Variants in RAI2 observed in about 807,000 individuals in gnomAD.
RAI2 encodes retinoic acid induced 2, also known as retinoic acid-induced protein 2.
Under a neutral mutation model 15.3 loss-of-function variants are expected in RAI2, and 5 were observed. That is an observed-to-expected ratio of 0.33 (90% CI 0.17 to 0.69). RAI2 has a LOEUF of 0.69. Among genes scored for constraint, RAI2 ranks in the 30% least tolerant of loss-of-function variants. The probability of loss-of-function intolerance (pLI) is 0.69; values close to 1 mark genes in which losing one functional copy is unlikely to be tolerated. For missense variants in RAI2, 424 were observed against 424.7 expected (o/e 1.00, Z 0.01); for synonymous variants, 191 against 184.0 (o/e 1.04, Z -0.31).
chrX:17,810,261 A>G (rs2067032720), intron 1 of RAI2, among the ~76,000 whole-genome samples: 1 of 112,128 alleles, frequency 8.9e-6, no homozygotes, highest in African/African-American at 3.2e-5. Flanking sequence ...CACACGAGCT[A>G]TAGAGTCAGC....
chrX:17,839,837 G>A (rs987400828), intron 1 of RAI2, among the ~76,000 whole-genome samples: 5 of 112,604 alleles, frequency 4.4e-5, no homozygotes, highest in African/African-American at 1.6e-4. Context: ...GGAGGACACA[G>A]GTTGGTCTGT....
rs780653173 is a variant in RAI2, at chrX:17,846,972, T to C, written c.-25+14126A>G. The stretch of plus-strand genomic sequence containing the variant: ...AGTCTCAAGAGATTTGATGGTTTTA[T>C]AGATGGGAGTTCCCCTGCACAAGCT... On this transcript the variant is annotated intron_variant, in intron 1 of 1. Coordinates refer to ENST00000451717, the MANE Select transcript of RAI2 (RefSeq NM_021785.6). Among the ~76,000 whole-genome samples the C allele has an allele frequency of 1.3e-3, 143 of 111,958 alleles. 2 individuals carry two copies. The highest frequency in any genetic ancestry group is 1.0e-3 in the Admixed American group (11 of 10,625).
At chrX:17,844,368 C>G (rs766277106) in intron 1 of RAI2, among the ~76,000 whole-genome samples, 1 of 112,680 alleles carries the variant, frequency 8.9e-6, no homozygotes, top group East Asian at 2.8e-4. Flanking sequence ...TTGTCCTATT[C>G]TTGGTGCTCC....
intron 1 of RAI2, chrX:17,860,440 C>G (rs1217291015): frequency 8.9e-6 from 1 of 112,805 alleles, no homozygotes; most frequent in Non-Finnish European, 1.9e-5. Context: ...AAAGCCCGAG[C>G]TGGTGCGGCC....
intron 1 of RAI2, among the ~76,000 whole-genome samples, chrX:17,841,722 G>A (rs2067400107): frequency 8.9e-6 from 1 of 112,476 alleles, no homozygotes; most frequent in African/African-American, 3.2e-5. Context: ...ACTGTGTCGT[G>A]GGGGAGTCAG....
At chrX:17,812,018 G>A (rs1053478974) in intron 1 of RAI2, among the ~76,000 whole-genome samples, 1 of 112,057 alleles carries the variant, frequency 8.9e-6, no homozygotes, top group African/African-American at 3.2e-5. Flanking sequence ...CACAGAAAGT[G>A]CTCAGTAAAT....
Position 17,801,228 on chromosome X carries a change from G to C in RAI2, c.783C>G (p.Ser261Arg), listed in dbSNP as rs1413161194. The stretch of plus-strand genomic sequence containing the variant: ...AAGATGGTGGCTTGGGGAAACTGGA[G>C]CTGAACTTGGATTCAGAACTCTGAG... ...PMPQSSESKF[S>R]SSFPKPPSSF... The change falls in exon 2 of 2, where the codon AGC (serine) becomes AGG (arginine). Residue 261 changes from serine to arginine, a missense_variant. Ser to Arg is a moderately radical substitution (Grantham distance 110). Coordinates refer to ENST00000451717, the MANE Select transcript of RAI2 (RefSeq NM_021785.6). 1.7e-6 allele frequency: 2 copies of C among 1,210,242 alleles called. No individual in the cohort carries two copies. Among genetic ancestry groups the C allele is most frequent in the Admixed American group, 2.2e-5 (1 of 45,948 alleles).
At chrX:17,831,382 C>CA (rs2067280921) in intron 1 of RAI2, among the ~76,000 whole-genome samples, 1 of 111,496 alleles carries the variant, frequency 9.0e-6, no homozygotes, top group Admixed American at 9.5e-5. Context: ...AAACAAAAAA[C>CA]AAAAAACAAT....
chrX:17,827,036 G>T (rs746194070), intron 1 of RAI2, among the ~76,000 whole-genome samples: 3 of 112,839 alleles, frequency 2.7e-5, no homozygotes, highest in East Asian at 5.6e-4. Context: ...TTGAGTCATT[G>T]TCACATGGAA....
At chrX:17,825,156 G>A (rs1035659441) in intron 1 of RAI2, among the ~76,000 whole-genome samples, 2 of 111,684 alleles carry the variant, frequency 1.8e-5, no homozygotes, top group African/African-American at 6.6e-5. Flanking sequence ...TCAAAGCAGT[G>A]GGGGGAAAAA....
In RAI2 at chrX:17,844,548, C is replaced by T. The variant is rs372454216; in HGVS notation, c.-25+16550G>A. ...GCCCCAAACCCTATACCAGCAAGAA[C>T]CCAGCTTGGAAACTTCCTGTTTAAC... is the stretch of plus-strand genomic sequence containing the variant. On this transcript the variant is annotated intron_variant, in intron 1 of 1. Transcript: ENST00000451717. Among the ~76,000 whole-genome samples the T allele has an allele frequency of 7.2e-4, 81 of 112,907 alleles. 3 individuals are homozygous for T. The South Asian group carries it at 0.029, about 40-fold the overall frequency.
intron 1 of RAI2, among the ~76,000 whole-genome samples, chrX:17,855,232 C>T (rs766184020): frequency 3.2e-4 from 36 of 111,804 alleles, no homozygotes; most frequent in Non-Finnish European, 5.8e-4. Context: ...TTTATTTTCT[C>T]TCCTTTAAGG....
intron 1 of RAI2, among the ~76,000 whole-genome samples, chrX:17,858,655 T>C (rs2067649434): frequency 8.9e-6 from 1 of 112,316 alleles, no homozygotes; most frequent in Non-Finnish European, 1.9e-5. Flanking sequence ...GTAGTTCAGA[T>C]GGTCCTGTTT....
chrX:17,823,761 G>A (rs1262310899), intron 1 of RAI2, among the ~76,000 whole-genome samples: 1 of 112,195 alleles, frequency 8.9e-6, no homozygotes, highest in Non-Finnish European at 1.9e-5. Flanking sequence ...CCCAAGGCCA[G>A]TGAAATCAAA....
At position 17,849,891 on chromosome X, in the gene RAI2, T is replaced by A. The variant is rs1275761522; in HGVS notation, c.-25+11207A>T. On this transcript the variant is annotated intron_variant, in intron 1 of 1. Transcript: ENST00000451717. ...TTGTGAAAGGCTTCCTTTTCTTCTC[T>A]TTTTTTCTTTTCTTCTCTCTCTTTC... is the stretch of plus-strand genomic sequence containing the variant. Among the ~76,000 whole-genome samples the A allele has an allele frequency of 3.6e-5, 4 of 112,669 alleles. No homozygotes were observed. The South Asian group carries it at 1.5e-3, about 42-fold the overall frequency.
At position 17,801,771 on chromosome X, in the gene RAI2, G is replaced by A. The variant is rs1357517754; in HGVS notation, c.240C>T (p.Pro80=). ...ALKVAATVLQ[P]LCLGESPVVM... ...CCACTGGGCTCTCCCCGAGGCACAG[G>A]GGCTGCAACACAGTGGCCGCCACCT... The change falls in exon 2 of 2, where the codon CCC becomes CCT. Residue 80 remains proline, a synonymous_variant. Coordinates refer to ENST00000451717, the MANE Select transcript of RAI2 (RefSeq NM_021785.6). 1 of 1,212,047 alleles carries A rather than the reference G, an allele frequency of 8.3e-7. No individual in the cohort carries two copies. Among genetic ancestry groups the A allele is most frequent in the Non-Finnish European group, 1.1e-6 (1 of 895,573 alleles).
rs1223320201 is a variant in RAI2, at chrX:17,849,012, T to C, written c.-25+12086A>G. Among the ~76,000 whole-genome samples the C allele has an allele frequency of 3.6e-5, 4 of 112,517 alleles. No homozygotes were observed. The East Asian group carries it at 1.1e-3, about 31-fold the overall frequency. On this transcript the variant is annotated intron_variant, in intron 1 of 1. Coordinates refer to ENST00000451717, the MANE Select transcript of RAI2 (RefSeq NM_021785.6). ...AACAGTCGCCCAAATAAAGCTGGGA[T>C]GACGACGAGAGGGTAAGCTCTTCAG... is the stretch of plus-strand genomic sequence containing the variant.
intron 1 of RAI2, among the ~76,000 whole-genome samples, chrX:17,816,323 T>C (rs2067107305): frequency 9.1e-6 from 1 of 110,422 alleles, no homozygotes; most frequent in East Asian, 2.8e-4. Flanking sequence ...GGAGGGAGGG[T>C]CAGAGCTTTC....
At chrX:17,860,522 G>A (rs914172940) in intron 1 of RAI2, 1 of 113,046 alleles carries the variant, frequency 8.8e-6, no homozygotes, top group Non-Finnish European at 1.9e-5. Flanking sequence ...GCTCCGGGGG[G>A]GATGCGGGGC....
Sources: gnomAD v4.1 joint callset for allele counts (sites outside exome capture counted in the v4.1 genomes callset) on GRCh38, gnomAD v4.1.1 for gene constraint, MANE v1.5 for transcripts, NCBI Gene and HGNC (gene_info 2026-07-23, HGNC 2026-07-21) for gene names.